Variants in NAALADL2 observed in about 807,000 individuals in gnomAD.
NAALADL2 encodes inactive N-acetylated-alpha-linked acidic dipeptidase-like protein 2.
A neutral mutation model predicts 87.2 loss-of-function variants in NAALADL2; 76 were observed. The ratio of observed to expected loss-of-function variants is 0.87; its 90% CI spans 0.72 to 1.05. The LOEUF is 1.05. Among genes scored for constraint, NAALADL2 ranks in the 50% least tolerant of loss-of-function variants. The pLI is 0.00. For missense variants in NAALADL2, 1,089 were observed against 945.8 expected (o/e 1.15, Z -1.99); for synonymous variants, 354 against 331.0 (o/e 1.07, Z -0.75).
In NAALADL2 at chr3:175,233,961, T is replaced by G; in HGVS notation, c.576T>G (p.Asp192Glu). Residue 192 changes from aspartate to glutamate, a missense_variant, in exon 3 of 14, where the codon GAT becomes GAG. By Grantham distance (45) the Asp-to-Glu change is conservative (BLOSUM62 2). Transcript: ENST00000454872. ...TGGTACAACTATATAAAAATGAAGA[T>G]GACATGGAAATTTCAAAGAAGATTA... is the stretch of plus-strand genomic sequence containing the variant. Reference protein sequence around the residue: ...RNLVQLYKNEDDMEISKKIKT... With the variant: ...RNLVQLYKNEEDMEISKKIKT... 1 of 1,595,928 alleles carries G rather than the reference T, an allele frequency of 6.3e-7. No individual in the cohort carries two copies. The highest frequency in any genetic ancestry group is 8.6e-7 in the Non-Finnish European group (1 of 1,166,888).
intron 1 of NAALADL2, among the ~76,000 whole-genome samples, chr3:174,898,525 A>G (rs1439961206): frequency 1.3e-5 from 2 of 152,246 alleles, no homozygotes; most frequent in East Asian, 1.9e-4. Flanking sequence ...TTGTAACTCA[A>G]AGGATAAATG....
intron 1 of NAALADL2, among the ~76,000 whole-genome samples, chr3:174,901,783 G>A (rs1169129502): frequency 6.6e-6 from 1 of 152,128 alleles, no homozygotes; most frequent in Non-Finnish European, 1.5e-5. Flanking sequence ...GCTGGAATGG[G>A]CCAATGATCA....
At chr3:174,696,217 TATAA>T (rs1459437381) in intron 2 of NAALADL2, among the ~76,000 whole-genome samples, 2 of 152,022 alleles carry the variant, frequency 1.3e-5, no homozygotes, top group Non-Finnish European at 2.9e-5. Flanking sequence ...TCTTATTACT[TATAA>T]ATTAATATTA....
intron 10 of NAALADL2, among the ~76,000 whole-genome samples, chr3:175,593,092 G>T (rs1721752713): frequency 6.6e-6 from 1 of 151,854 alleles, no homozygotes; most frequent in African/African-American, 2.4e-5. Flanking sequence ...ATGGTTTGCT[G>T]CACCAATCAA....
At chr3:175,416,487 TA>T (rs1714662323) in intron 5 of NAALADL2, among the ~76,000 whole-genome samples, 1 of 152,192 alleles carries the variant, frequency 6.6e-6, no homozygotes, top group African/African-American at 2.4e-5. Flanking sequence ...TTTGTTTTAG[TA>T]ACTTTGAATT....
At chr3:174,451,198 G>A (rs752781517) in intron 1 of NAALADL2, among the ~76,000 whole-genome samples, 2 of 152,166 alleles carry the variant, frequency 1.3e-5, no homozygotes. Context: ...GGATATGTCT[G>A]TGGATCCTGT....
rs1044344716 is a variant in NAALADL2 at position 175,804,244 on chromosome 3, C to T, written c.*1041C>T. ...AAATAGTTGTTTTATCAATAAAAGC[C>T]CCTTAATATTATGAAGAAACTTTTC... On this transcript the variant is annotated 3_prime_UTR_variant, in exon 14 of 14. Transcript: ENST00000454872. 1 of 151,664 alleles carries T rather than the reference C, an allele frequency of 6.6e-6. No individual in the cohort carries two copies. The highest frequency in any genetic ancestry group is 2.4e-5 in the African/African-American group (1 of 41,354). The allele number at this position is 151,664 out of a possible 1,614,324, so 9.4% of individuals were successfully genotyped here.
At chr3:174,792,752 G>A (rs1251915544) in intron 3 of NAALADL2, among the ~76,000 whole-genome samples, 1 of 152,084 alleles carries the variant, frequency 6.6e-6, no homozygotes, top group Non-Finnish European at 1.5e-5. Flanking sequence ...TTTCAAAGTT[G>A]TGAACAAAAT....
chr3:175,448,514 C>T (rs1002356361), intron 6 of NAALADL2, among the ~76,000 whole-genome samples: 7 of 152,172 alleles, frequency 4.6e-5, no homozygotes, highest in African/African-American at 1.4e-4. Flanking sequence ...CCAATACATT[C>T]CAGCCACTGT....
intron 2 of NAALADL2, among the ~76,000 whole-genome samples, chr3:174,674,357 C>G (rs1415079653): frequency 6.6e-6 from 1 of 152,012 alleles, no homozygotes; most frequent in Non-Finnish European, 1.5e-5. Flanking sequence ...GGATGCAGAT[C>G]CAAACCATAT....
At chr3:174,677,823 A>G (rs1167007197) in intron 2 of NAALADL2, among the ~76,000 whole-genome samples, 4 of 152,132 alleles carry the variant, frequency 2.6e-5, no homozygotes, top group African/African-American at 9.6e-5. Context: ...TAGAAATACT[A>G]GACAGCACTT....
At chr3:175,775,108 T>G (rs1407729357) in intron 13 of NAALADL2, 1 of 151,566 alleles carries the variant, frequency 6.6e-6, no homozygotes, top group Non-Finnish European at 1.5e-5. Context: ...TTTTTTTTTT[T>G]TAGAAATTCT....
chr3:174,809,093 C>T (rs528784747), intron 3 of NAALADL2, among the ~76,000 whole-genome samples: 1 of 152,034 alleles, frequency 6.6e-6, no homozygotes, highest in African/African-American at 2.4e-5. Context: ...TCTGAAAAGC[C>T]AAATTAGTAA....
rs147841608 is a variant in NAALADL2, at chr3:175,250,253, C to CTGTGTG, written c.820-6127_820-6122dup. Among the ~76,000 whole-genome samples the CTGTGTG allele has an allele frequency of 7.4e-3, 1,080 of 146,164 alleles. 5 individuals carry two copies. The highest frequency in any genetic ancestry group is 0.016 in the African/African-American group (646 of 39,604). ...GCTCTCTCTTTTTCTCTCACTTTTT[C>CTGTGTG]TGTGTGTGTGTGTGTGTGTGTGTGT... On this transcript the variant is annotated intron_variant, in intron 3 of 13. Coordinates refer to ENST00000454872, the MANE Select transcript of NAALADL2 (RefSeq NM_207015.3).
rs541490279 is a variant in NAALADL2 at position 175,388,635 on chromosome 3, C to A, written c.1091-58594C>A. On this transcript the variant is annotated intron_variant, in intron 5 of 13. Coordinates refer to ENST00000454872, the MANE Select transcript of NAALADL2 (RefSeq NM_207015.3). ...GGGAAATTCAGGCTGATTTCTCCCC[C>A]ATCCCCAACAGTGAATTCCTTTTTA... 3.3e-5 allele frequency among the ~76,000 whole-genome samples: 5 copies of A among 152,204 alleles called. No homozygotes were observed. In the South Asian group the frequency reaches 8.3e-4, roughly 25 times the overall value.
chr3:175,201,490 C>T (rs1040717832), intron 2 of NAALADL2, among the ~76,000 whole-genome samples: 2 of 152,008 alleles, frequency 1.3e-5, no homozygotes, highest in African/African-American at 4.8e-5. Context: ...TCATGAGCCC[C>T]ATGGAATAAT....
At chr3:174,472,373 T>G (rs1202881939) in intron 1 of NAALADL2, among the ~76,000 whole-genome samples, 1 of 152,232 alleles carries the variant, frequency 6.6e-6, no homozygotes, top group Non-Finnish European at 1.5e-5. Flanking sequence ...TTTATGGCAC[T>G]GCCATGAGTG....
At chr3:174,955,470 G>T (rs1452211803) in intron 1 of NAALADL2, among the ~76,000 whole-genome samples, 1 of 152,004 alleles carries the variant, frequency 6.6e-6, no homozygotes, top group Non-Finnish European at 1.5e-5. Context: ...GATCTAAGAA[G>T]AATTTACTTA....
At chr3:175,000,079 A>C (rs1249378782) in intron 1 of NAALADL2, among the ~76,000 whole-genome samples, 1 of 152,206 alleles carries the variant, frequency 6.6e-6, no homozygotes, top group Non-Finnish European at 1.5e-5. Flanking sequence ...CTTAAATCTA[A>C]AATATAAATA....
Sources: allele counts gnomAD v4.1 joint callset (sites outside exome capture counted in the v4.1 genomes callset), GRCh38; gene constraint gnomAD v4.1.1; transcripts MANE v1.5; gene names NCBI Gene and HGNC (gene_info 2026-07-23, HGNC 2026-07-21).